The following RELN variants were observed in gnomAD, a reference collection of about 807,000 sequenced individuals.
RELN encodes reelin.
Under a neutral mutation model 427.6 loss-of-function variants are expected in RELN, and 108 were observed. The observed-to-expected ratio is 0.25, with a 90% CI of 0.22 to 0.30. The LOEUF (loss-of-function observed/expected upper bound fraction) is 0.30, where lower values mean the gene tolerates loss of function less well. Ranked by LOEUF, RELN falls within the 10% of genes least tolerant of loss-of-function variation. The pLI, the probability that RELN is intolerant of heterozygous loss-of-function variation, is 1.00. For missense variants in RELN, 3,715 were observed against 4,302.8 expected (o/e 0.86, Z 3.82); for synonymous variants, 1,524 against 1,513.4 (o/e 1.01, Z -0.16).
chr7:103,509,802 A>G (rs1033952196), intron 51 of RELN, among the ~76,000 whole-genome samples: 2 of 93,046 alleles, frequency 2.1e-5, no homozygotes, highest in African/African-American at 9.1e-5. Flanking sequence ...AATTTACAAG[A>G]AAAAAAAAAC....
At chr7:103,961,073 G>C (rs965647052) in intron 1 of RELN, among the ~76,000 whole-genome samples, 2 of 152,232 alleles carry the variant, frequency 1.3e-5, no homozygotes, top group African/African-American at 4.8e-5. Flanking sequence ...CTAATGAACA[G>C]AGAAATATAA....
chr7:103,900,386 G>T (rs1286390741), intron 2 of RELN, among the ~76,000 whole-genome samples: 1 of 152,050 alleles, frequency 6.6e-6, no homozygotes, highest in African/African-American at 2.4e-5. Flanking sequence ...GTAATTTATA[G>T]ATTCAATGCC....
rs138281578 is a variant in RELN, at chr7:103,637,685, A to G, written c.2070-1217T>C. Among the ~76,000 whole-genome samples, 363 of 152,328 alleles carry G rather than the reference A, an allele frequency of 2.4e-3. 1 individual carries two copies. The highest frequency in any genetic ancestry group is 6.8e-3 in the Middle Eastern group (2 of 294). On this transcript the variant is annotated intron_variant, in intron 17 of 64. Coordinates refer to ENST00000428762, the MANE Select transcript of RELN (RefSeq NM_005045.4). ...AAGGAAAGCCAATATTTACTGGATG[A>G]GCCTTCTTTCACATGTTGTCTAATG...
chr7:103,840,818 G>A (rs897071284), intron 2 of RELN, among the ~76,000 whole-genome samples: 1 of 152,032 alleles, frequency 6.6e-6, no homozygotes, highest in South Asian at 2.1e-4. Flanking sequence ...TGCTTTCCCT[G>A]CTGCATGCTG....
chr7:103,929,260 G>C (rs929641136), intron 1 of RELN, among the ~76,000 whole-genome samples: 1 of 152,124 alleles, frequency 6.6e-6, no homozygotes, highest in African/African-American at 2.4e-5. Context: ...CTGAAGAACC[G>C]AGCTCACTGC....
intron 1 of RELN, among the ~76,000 whole-genome samples, chr7:103,943,050 A>T (rs902600587): frequency 2.6e-5 from 4 of 152,230 alleles, no homozygotes; most frequent in African/African-American, 9.6e-5. Flanking sequence ...CTGTACAGAC[A>T]TAGCCAGAAA....
At chr7:103,679,835 T>A (rs1833616176) in intron 11 of RELN, among the ~76,000 whole-genome samples, 1 of 152,220 alleles carries the variant, frequency 6.6e-6, no homozygotes, top group Non-Finnish European at 1.5e-5. Flanking sequence ...TCTGGACTAG[T>A]ACATTAATCT....
chr7:103,903,060 C>T (rs1196831478), intron 2 of RELN, among the ~76,000 whole-genome samples: 1 of 151,804 alleles, frequency 6.6e-6, no homozygotes, highest in Non-Finnish European at 1.5e-5. Context: ...ATCTGGAAAC[C>T]CCAAAAAAGG....
intron 25 of RELN, among the ~76,000 whole-genome samples, chr7:103,595,717 T>G (rs1044577837): frequency 7.2e-5 from 11 of 151,934 alleles, no homozygotes; most frequent in Non-Finnish European, 1.3e-4. Context: ...TTTGTTAAAA[T>G]GAAAATACAG....
intron 19 of RELN, among the ~76,000 whole-genome samples, chr7:103,631,150 T>C (rs923044305): frequency 1.3e-5 from 2 of 152,016 alleles, no homozygotes; most frequent in African/African-American, 4.8e-5. Context: ...ACTATCACCA[T>C]TGATTATACA....
intron 36 of RELN, among the ~76,000 whole-genome samples, chr7:103,559,532 G>A (rs367664222): frequency 1.3e-5 from 2 of 151,878 alleles, no homozygotes; most frequent in African/African-American, 4.8e-5. Context: ...ATGTCTTAAT[G>A]TCTTTACCCT....
At chr7:103,837,168 A>C (rs1229987469) in intron 2 of RELN, among the ~76,000 whole-genome samples, 1 of 152,104 alleles carries the variant, frequency 6.6e-6, no homozygotes, top group Non-Finnish European at 1.5e-5. Context: ...TTCCCCTGGC[A>C]TATCAGGATT....
intron 42 of RELN, among the ~76,000 whole-genome samples, chr7:103,544,350 T>G (rs151275308): frequency 0.012 from 1,737 of 140,478 alleles, 31 homozygotes; most frequent in African/African-American, 0.043. Flanking sequence ...GCGAATCACC[T>G]CCCGAGTAGC....
chr7:103,704,970 G>C (rs1049773838), intron 8 of RELN, among the ~76,000 whole-genome samples: 1 of 152,112 alleles, frequency 6.6e-6, no homozygotes, highest in South Asian at 2.1e-4. Context: ...ATTTGTCAAG[G>C]CTGATCCGAT....
At chr7:103,723,964 T>C (rs896851215) in intron 7 of RELN, among the ~76,000 whole-genome samples, 82 of 152,298 alleles carry the variant, frequency 5.4e-4, no homozygotes, top group African/African-American at 1.9e-3. Context: ...GGTGCTTCTT[T>C]AATTTTAAAA....
rs1706539453 is a variant in RELN, at chr7:103,604,486, A to G, written c.3009-3T>C. 6.2e-7 allele frequency: 1 copy of G among 1,613,868 alleles called. No homozygotes were observed. The highest frequency in any genetic ancestry group is 8.5e-7 in the Non-Finnish European group (1 of 1,179,812). On this transcript the variant is annotated splice_polypyrimidine_tract_variant and splice_region_variant and intron_variant, in intron 22 of 64. Transcript: ENST00000428762. Reference sequence around the variant, plus strand: ...AGCGGAAACGGGTAGCACTGGACCTAGAAACACGGTATAGTATAACAAAAA... The same window carrying G: ...AGCGGAAACGGGTAGCACTGGACCTGGAAACACGGTATAGTATAACAAAAA...
intron 3 of RELN, among the ~76,000 whole-genome samples, chr7:103,826,507 T>G (rs1459663873): frequency 6.6e-6 from 1 of 152,098 alleles, no homozygotes; most frequent in Non-Finnish European, 1.5e-5. Flanking sequence ...TAGAGCTTAA[T>G]AATATGCTGC....
At chr7:103,676,835 A>T (rs966133176) in intron 11 of RELN, among the ~76,000 whole-genome samples, 32 of 152,264 alleles carry the variant, frequency 2.1e-4, no homozygotes, top group African/African-American at 7.7e-4. Context: ...TGGGAATTGA[A>T]CAATGAGAAT....
chr7:103,629,999 C>T lies in RELN; in HGVS notation c.2643G>A (p.Gln881=), dbSNP rs1323639145. The T allele has an allele frequency of 5.0e-6, 8 of 1,613,796 alleles. No individual in the cohort carries two copies. In the South Asian group the frequency reaches 8.8e-5, roughly 18 times the overall value. Residue 881 remains glutamine (Q), a synonymous_variant, in exon 20 of 65, where the codon CAG becomes CAA. Transcript: ENST00000428762. ...CATTTCCAAGGTAGAATCCCAGAGA[C>T]TGAGTGACCTCCACAAGATTGGTAA... ...LDFTNLVEVT[Q]SLGFYLGNVQ... is the part of the protein sequence containing the mutation.
Sources: allele counts gnomAD v4.1 joint callset (sites outside exome capture counted in the v4.1 genomes callset), GRCh38; gene constraint gnomAD v4.1.1; transcripts MANE v1.5; gene names NCBI Gene and HGNC (gene_info 2026-07-23, HGNC 2026-07-21).